The following KMT2E variants were observed in gnomAD, a reference collection of about 807,000 sequenced individuals.
The protein encoded by KMT2E is histone reader KMT2E.
KMT2E carries 30 observed loss-of-function variants against 184.6 expected under a neutral mutation model. That is an observed-to-expected ratio of 0.16 (90% confidence interval 0.12 to 0.22). The LOEUF is 0.22. Ranked by LOEUF, KMT2E falls within the 10% of genes least tolerant of loss-of-function variation. The pLI, the probability that KMT2E is intolerant of heterozygous loss-of-function variation, is 1.00. For synonymous variants in KMT2E, 815 were observed against 776.5 expected (o/e 1.05, Z -0.82); for missense variants, 2,023 against 2,237.4 (o/e 0.90, Z 1.93).
At chr7:105,019,157 A>T (rs1377791772) in intron 1 of KMT2E, among the ~76,000 whole-genome samples, 1 of 152,182 alleles carries the variant, frequency 6.6e-6, no homozygotes, top group African/African-American at 2.4e-5. Context: ...GGTGACCCAG[A>T]GTAAGTTAAT....
rs73404022 is a variant in KMT2E, at chr7:105,091,416, C to T, written c.1722+102C>T. The T allele has an allele frequency of 1.8e-3, 1,330 of 734,940 alleles. 16 individuals are homozygous for T. In the African/African-American group the frequency reaches 0.02, roughly 11 times the overall value. The allele number at this position is 734,940 out of a possible 1,614,324, so 45.5% of individuals were successfully genotyped here. A position where few individuals can be genotyped will look rare whatever the true frequency, so the allele number is the denominator to read the frequency against. On this transcript the variant is annotated intron_variant, in intron 15 of 26. Coordinates refer to ENST00000311117, the MANE Select transcript of KMT2E (RefSeq NM_182931.3). The stretch of plus-strand genomic sequence containing the variant: ...CTTTTACATTATTCTTTGAAGTTAG[C>T]GAATGATGTGCCATTGAGCATTTTT...
intron 5 of KMT2E, among the ~76,000 whole-genome samples, chr7:105,064,333 C>T (rs1319945297): frequency 6.6e-6 from 1 of 151,752 alleles, no homozygotes; most frequent in Non-Finnish European, 1.5e-5. Flanking sequence ...AGTTGGGGAG[C>T]TTTACAGAAT....
At chr7:105,082,969 G>A (rs1797817026) in intron 13 of KMT2E, among the ~76,000 whole-genome samples, 4 of 152,162 alleles carry the variant, frequency 2.6e-5, no homozygotes, top group Non-Finnish European at 4.4e-5. Context: ...GGCATCTTCT[G>A]TTAATTTCTC....
At chr7:105,056,550 A>G (rs1167265333) in intron 3 of KMT2E, among the ~76,000 whole-genome samples, 2 of 152,114 alleles carry the variant, frequency 1.3e-5, no homozygotes, top group Admixed American at 1.3e-4. Context: ...TTTTTCCTAT[A>G]TGTTATTTGT....
In KMT2E at chr7:105,063,433, G is replaced by T. The variant is rs1796902123; in HGVS notation, c.269G>T (p.Gly90Val). 6.2e-7 allele frequency: 1 copy of T among 1,613,748 alleles called. No individual in the cohort carries two copies. The highest frequency in any genetic ancestry group is 1.3e-5 in the African/African-American group (1 of 74,988). The change falls in exon 5 of 27, where the codon GGC becomes GTC. Residue 90 changes from glycine (G) to valine (V), a missense_variant. By Grantham distance (109) the Gly-to-Val change is moderately radical. Coordinates refer to ENST00000311117, the MANE Select transcript of KMT2E (RefSeq NM_182931.3). ...GTCCTTATTAGCAAAAATGAAGTAG[G>T]CATATTTACCACTCCTAATTTTGAT... The part of the protein sequence containing the change: ...PSVLISKNEV[G>V]IFTTPNFDET...
At chr7:105,091,095 A>C (rs1798184498) in intron 14 of KMT2E, 121 bp from the exon 15 acceptor site, 1 of 507,186 alleles carries the variant, frequency 2.0e-6, no homozygotes, top group Admixed American at 3.7e-5. Context: ...TTCTTAAATA[A>C]TTTAAATAGG....
chr7:105,110,670 A>G, intron 25 of KMT2E, 68 bp downstream of exon 25: 3 of 1,606,118 alleles, frequency 1.9e-6, no homozygotes. Flanking sequence ...GAGCCTTTAT[A>G]AAAAGTTGGT....
At chr7:105,027,074 CT>C (rs34930855) in intron 1 of KMT2E, among the ~76,000 whole-genome samples, 21,901 of 82,672 alleles carry the variant, frequency 0.26, 1,836 homozygotes, top group East Asian at 0.36. Flanking sequence ...GCCCCGCCCT[CT>C]TTTTTTTTTT....
intron 1 of KMT2E, among the ~76,000 whole-genome samples, chr7:105,021,594 C>CA (rs985868779): frequency 6.6e-6 from 1 of 152,104 alleles, no homozygotes; most frequent in Admixed American, 6.5e-5. Context: ...GGCAAGGTGT[C>CA]AAAGAGCCAC....
At chr7:105,058,323 T>C (rs1562897149) in intron 3 of KMT2E, among the ~76,000 whole-genome samples, 1 of 152,218 alleles carries the variant, frequency 6.6e-6, no homozygotes, top group Non-Finnish European at 1.5e-5. Context: ...CTTGGTTGTC[T>C]AACTCCTAAT....
chr7:105,021,130 T>C (rs1382268298), intron 1 of KMT2E, among the ~76,000 whole-genome samples: 1 of 152,214 alleles, frequency 6.6e-6, no homozygotes, highest in East Asian at 1.9e-4. Context: ...GGAAGATTCA[T>C]GATGTGACTA....
chr7:105,027,689 T>C (rs1795229060), intron 1 of KMT2E, among the ~76,000 whole-genome samples: 1 of 152,214 alleles, frequency 6.6e-6, no homozygotes, highest in African/African-American at 2.4e-5. Context: ...TGTTTTTCTA[T>C]TTACATTACT....
At chr7:105,042,470 A>G (rs1795925821) in intron 3 of KMT2E, among the ~76,000 whole-genome samples, 1 of 152,222 alleles carries the variant, frequency 6.6e-6, no homozygotes, top group African/African-American at 2.4e-5. Context: ...TATATAAAAT[A>G]TCTTAATCAT....
At chr7:105,109,574 T>C (rs1799093314) in intron 23 of KMT2E, among the ~76,000 whole-genome samples, 1 of 152,184 alleles carries the variant, frequency 6.6e-6, no homozygotes, top group African/African-American at 2.4e-5. Flanking sequence ...AGCAGCTGCA[T>C]ATAGGATGGA....
intron 1 of KMT2E, among the ~76,000 whole-genome samples, chr7:105,018,761 G>A (rs2129563840): frequency 6.6e-6 from 1 of 152,170 alleles, no homozygotes; most frequent in Non-Finnish European, 1.5e-5. Context: ...TCTGTAATGT[G>A]CAGATGTTGG....
chr7:105,031,781 A>G (rs554255327), intron 1 of KMT2E, among the ~76,000 whole-genome samples: 1 of 141,490 alleles, frequency 7.1e-6, no homozygotes, highest in East Asian at 2.1e-4. Flanking sequence ...ATAAATAAAT[A>G]AATAAAGGCC....
rs539617706 is a variant in KMT2E, at chr7:105,031,597, C to A, written c.-188-6529C>A. Among the ~76,000 whole-genome samples the A allele has an allele frequency of 1.2e-3, 188 of 150,932 alleles. 1 individual carries two copies. The highest frequency in any genetic ancestry group is 3.4e-3 in the Middle Eastern group (1 of 294). On this transcript the variant is annotated intron_variant, in intron 1 of 26. Transcript: ENST00000311117. ...TGAAACGCCATCTCTACTAAAAATACAAAAATTAGCTGGGCATGGTGGCGG... is the reference window on the plus strand; with the variant it reads ...TGAAACGCCATCTCTACTAAAAATAAAAAAATTAGCTGGGCATGGTGGCGG...
In KMT2E at chr7:105,073,663, G is replaced by T. The variant is rs779464498; in HGVS notation, c.542G>T (p.Arg181Met). 3 of 1,603,386 alleles carry T rather than the reference G, an allele frequency of 1.9e-6. No homozygotes were observed. The South Asian group carries it at 3.3e-5, about 18-fold the overall frequency. Residue 181 changes from arginine (R) to methionine (M), a missense_variant, in exon 7 of 27, where the codon AGG becomes ATG. This residue lies in a region of KMT2E where 191 missense variants were observed against 209.0 expected (regional missense o/e 0.91). Transcript: ENST00000311117. ...GCAGTGCTACTACAACGCCGGAAAA[G>T]GGAAAATATGTCAGGTAGGTAAAAA... ...ERAVLLQRRK[R>M]ENMSDGDTSA... is the part of the protein sequence containing the mutation.
At chr7:105,049,350 G>A (rs1431112266) in intron 3 of KMT2E, among the ~76,000 whole-genome samples, 3 of 152,006 alleles carry the variant, frequency 2.0e-5, no homozygotes, top group African/African-American at 4.8e-5. Flanking sequence ...GAGCTGAGGC[G>A]GGATGATCGC....
Sources: gnomAD v4.1 joint callset for allele counts (sites outside exome capture counted in the v4.1 genomes callset) on GRCh38, gnomAD v4.1.1 for gene constraint, gnomAD v4.1.1 regional missense constraint, MANE v1.5 for transcripts, NCBI Gene and HGNC (gene_info 2026-07-23, HGNC 2026-07-21) for gene names.